FAM114A1: variants seen among roughly 807,000 people sequenced by gnomAD.
FAM114A1 encodes protein NOXP20.
FAM114A1 carries 62 observed loss-of-function variants against 64.3 expected under a neutral mutation model. That is an observed-to-expected ratio of 0.96 (90% confidence interval 0.79 to 1.19). The LOEUF (loss-of-function observed/expected upper bound fraction) is 1.19, where lower values mean the gene tolerates loss of function less well. Ranked by LOEUF, FAM114A1 falls within the 50% of genes most tolerant of loss-of-function variation. The pLI is 0.00. For missense variants in FAM114A1, 645 were observed against 676.3 expected (o/e 0.95, Z 0.51); for synonymous variants, 254 against 251.1 (o/e 1.01, Z -0.11).
intron 3 of FAM114A1, among the ~76,000 whole-genome samples, chr4:38,879,799 AG>A (rs1022295631): frequency 7.9e-5 from 12 of 152,276 alleles, no homozygotes; most frequent in Middle Eastern, 3.4e-3. Flanking sequence ...TAAATAATTA[AG>A]GGCCCCTAGA....
chr4:38,881,738 G>T lies in FAM114A1; in HGVS notation c.348+3312G>T, dbSNP rs1345054261. Among the ~76,000 whole-genome samples, 5 of 152,142 alleles carry T rather than the reference G, an allele frequency of 3.3e-5. No homozygotes were observed. The South Asian group carries it at 6.2e-4, about 19-fold the overall frequency. The stretch of plus-strand genomic sequence containing the variant: ...GAAGTCAATTTTATGCCTAGTCTTT[G>T]ATTATTGTTCATTTTTTTCTATTTT... On this transcript the variant is annotated intron_variant, in intron 3 of 14. Coordinates refer to ENST00000358869, the MANE Select transcript of FAM114A1 (RefSeq NM_138389.4).
chr4:38,909,869 A>G (rs1333113099), intron 7 of FAM114A1, among the ~76,000 whole-genome samples: 1 of 152,066 alleles, frequency 6.6e-6, no homozygotes, highest in African/African-American at 2.4e-5. Flanking sequence ...AAGTATGAGC[A>G]CTCCGATGTT....
intron 3 of FAM114A1, among the ~76,000 whole-genome samples, chr4:38,880,369 C>G (rs1005642224): frequency 6.6e-6 from 1 of 152,162 alleles, no homozygotes; most frequent in African/African-American, 2.4e-5. Context: ...CATTCCAGCT[C>G]TAAAATGCTG....
chr4:38,918,072 A>G (rs1048285652), intron 8 of FAM114A1, among the ~76,000 whole-genome samples: 2 of 151,886 alleles, frequency 1.3e-5, no homozygotes, highest in South Asian at 2.1e-4. Context: ...AAAAAATACA[A>G]AATTAGCCGG....
intron 2 of FAM114A1, among the ~76,000 whole-genome samples, chr4:38,873,087 T>C (rs1279523672): frequency 6.6e-6 from 1 of 152,210 alleles, no homozygotes; most frequent in Non-Finnish European, 1.5e-5. Flanking sequence ...TACAGTGGGT[T>C]TCTATCGTTC....
At chr4:38,871,086 C>CTTTTTTTTTT (rs9306968) in intron 2 of FAM114A1, among the ~76,000 whole-genome samples, 6 of 94,024 alleles carry the variant, frequency 6.4e-5, no homozygotes, top group Non-Finnish European at 1.0e-4. Flanking sequence ...TTTTTTCTTT[C>CTTTTTTTTTT]TTTTTTTTTT....
rs758064777 is a variant in FAM114A1, at chr4:38,931,522, C to T, written c.1233C>T (p.Ser411=). 1.1e-5 allele frequency: 17 copies of T among 1,612,934 alleles called. No individual in the cohort carries two copies. The South Asian group carries it at 1.2e-4, about 11-fold the overall frequency. The change falls in exon 11 of 15, where the codon TCC becomes TCT. Residue 411 remains serine (S), a synonymous_variant. Transcript: ENST00000358869. ...TVVSVDVAKV[S]EEETKKEEKE... ...TGTCAGTAGATGTGGCAAAAGTGTC[C>T]GAAGAAGAAACAAAGAAGGAAGAAA...
chr4:38,922,333 C>T (rs1719681058), intron 8 of FAM114A1, among the ~76,000 whole-genome samples: 1 of 152,156 alleles, frequency 6.6e-6, no homozygotes, highest in Non-Finnish European at 1.5e-5. Context: ...TAAGGAGGTG[C>T]AATTAGTTTC....
chr4:38,911,861 CTTTTTTTTT>C (rs375816760), intron 7 of FAM114A1, among the ~76,000 whole-genome samples: 1 of 54,040 alleles, frequency 1.9e-5, no homozygotes, highest in African/African-American at 5.8e-5. Context: ...TTTCTTTTTT[CTTTTTTTTT>C]TTTTTTTTGA....
chr4:38,878,327 T>C lies in FAM114A1; in HGVS notation c.249T>C (p.Asn83=), dbSNP rs750086554. ...QDANALEPPL[N]GDVTEDTLAE... is the part of the protein sequence containing the mutation. Reference sequence around the variant, plus strand: ...CCAACGCCCTGGAGCCCCCTCTCAATGGAGACGTGACTGAGGATACACTTG... The same window carrying C: ...CCAACGCCCTGGAGCCCCCTCTCAACGGAGACGTGACTGAGGATACACTTG... Residue 83 remains asparagine (N), a synonymous_variant, in exon 3 of 15, where the codon AAT becomes AAC. Coordinates refer to ENST00000358869, the MANE Select transcript of FAM114A1 (RefSeq NM_138389.4). 11 of 1,614,090 alleles carry C rather than the reference T, an allele frequency of 6.8e-6. No homozygotes were observed. In the East Asian group the frequency reaches 2.2e-4, roughly 33 times the overall value.
chr4:38,938,213 T>A (rs67360043), intron 13 of FAM114A1, among the ~76,000 whole-genome samples: 33,605 of 152,016 alleles, frequency 0.22, 4,033 homozygotes, highest in Middle Eastern at 0.27. Flanking sequence ...AGTGTCTCAT[T>A]GTGCAAACCT....
At chr4:38,887,607 A>G (rs1715947326) in intron 3 of FAM114A1, among the ~76,000 whole-genome samples, 1 of 152,230 alleles carries the variant, frequency 6.6e-6, no homozygotes, top group African/African-American at 2.4e-5. Context: ...ATTGATTTTC[A>G]AAAACTGTCA....
At chr4:38,934,529 C>T (rs1410291133) in intron 12 of FAM114A1, among the ~76,000 whole-genome samples, 3 of 152,288 alleles carry the variant, frequency 2.0e-5, no homozygotes, top group Middle Eastern at 3.4e-3. Context: ...ATATAAGATT[C>T]TTAACTTGGG....
intron 4 of FAM114A1, among the ~76,000 whole-genome samples, chr4:38,894,333 T>C (rs1300158056): frequency 1.3e-5 from 2 of 152,186 alleles, no homozygotes; most frequent in African/African-American, 4.8e-5. Flanking sequence ...CTGCATCTTG[T>C]TACTCTCACA....
chr4:38,879,167 C>T (rs539029544), intron 3 of FAM114A1, among the ~76,000 whole-genome samples: 1 of 152,256 alleles, frequency 6.6e-6, no homozygotes, highest in South Asian at 2.1e-4. Flanking sequence ...GGAGACGCCC[C>T]GCATTAAAGA....
chr4:38,912,943 A>G (rs1275686145), intron 7 of FAM114A1, among the ~76,000 whole-genome samples: 1 of 152,206 alleles, frequency 6.6e-6, no homozygotes, highest in Non-Finnish European at 1.5e-5. Context: ...AAACTTTAAG[A>G]TTCAGAGTCT....
chr4:38,878,274 A>T lies in FAM114A1; in HGVS notation c.196A>T (p.Ile66Phe). The T allele has an allele frequency of 1.2e-6, 2 of 1,614,224 alleles. No homozygotes were observed. Among genetic ancestry groups the T allele is most frequent in the Non-Finnish European group, 1.7e-6 (2 of 1,180,032 alleles). Residue 66 changes from isoleucine (I) to phenylalanine (F), a missense_variant, in exon 3 of 15, where the codon ATT becomes TTT. Physicochemically the swap from Ile to Phe is conservative, Grantham distance 21. Transcript: ENST00000358869. Reference protein sequence around the residue: ...AAVQGAGAAAIGPPVQPQDAN... With the variant: ...AAVQGAGAAAFGPPVQPQDAN... Reference sequence around the variant, plus strand: ...TGTGCAGGGTGCAGGGGCTGCCGCCATTGGGCCCCCTGTGCAGCCTCAGGA... The same window carrying T: ...TGTGCAGGGTGCAGGGGCTGCCGCCTTTGGGCCCCCTGTGCAGCCTCAGGA...
intron 13 of FAM114A1, among the ~76,000 whole-genome samples, chr4:38,939,886 C>CTTTTTTTTT (rs545845095): frequency 8.4e-5 from 11 of 131,634 alleles, no homozygotes; most frequent in South Asian, 4.8e-4. Flanking sequence ...CACTTTCTTT[C>CTTTTTTTTT]TTTTTTTTTT....
At chr4:38,871,665 C>T (rs1714091123) in intron 2 of FAM114A1, among the ~76,000 whole-genome samples, 1 of 152,046 alleles carries the variant, frequency 6.6e-6, no homozygotes, top group African/African-American at 2.4e-5. Flanking sequence ...GATAAACTGA[C>T]CTAAGGTAAT....
Sources: allele counts gnomAD v4.1 joint callset (sites outside exome capture counted in the v4.1 genomes callset), GRCh38; gene constraint gnomAD v4.1.1; transcripts MANE v1.5; gene names NCBI Gene and HGNC (gene_info 2026-07-23, HGNC 2026-07-21).